Variants in GLRA2 observed in about 807,000 individuals in gnomAD.
The protein encoded by GLRA2 is glycine receptor alpha 2.
GLRA2 carries 11 observed loss-of-function variants against 31.6 expected under a neutral mutation model. The observed-to-expected ratio is 0.35, with a 90% confidence interval of 0.22 to 0.58. GLRA2 has a LOEUF of 0.58. Among genes scored for constraint, GLRA2 ranks in the 20% least tolerant of loss-of-function variants. The pLI is 0.84. For synonymous variants in GLRA2, 132 were observed against 134.0 expected (o/e 0.99, Z 0.10); for missense variants, 212 against 351.8 (o/e 0.60, Z 3.18).
intron 2 of GLRA2, among the ~76,000 whole-genome samples, chrX:14,537,085 G>A (rs1233559693): frequency 9.0e-6 from 1 of 110,953 alleles, no homozygotes; most frequent in Non-Finnish European, 1.9e-5. Flanking sequence ...GAAATTAAAG[G>A]ACAACTAAGG....
At chrX:14,506,189 C>A in the GLRA2 span, among the ~76,000 whole-genome samples, 1 of 111,470 alleles carries the variant, frequency 9.0e-6, no homozygotes, top group Non-Finnish European at 1.9e-5. Flanking sequence ...CTTGTGGTGG[C>A]ATAAAAATGT....
the GLRA2 span, among the ~76,000 whole-genome samples, chrX:14,499,457 CTAGGTATCCATCGA>C: frequency 1.8e-5 from 2 of 110,686 alleles, no homozygotes; most frequent in Non-Finnish European, 3.8e-5. Flanking sequence ...TGGAATCAAC[CTAGGTATCCATCGA>C]TGGTGGATTG....
At chrX:14,489,437 C>T in the GLRA2 span, among the ~76,000 whole-genome samples, 6 of 111,140 alleles carry the variant, frequency 5.4e-5, no homozygotes, top group Admixed American at 1.9e-4. Context: ...GGCTCGCAGA[C>T]GATTTGAAGA....
intron 4 of GLRA2, among the ~76,000 whole-genome samples, chrX:14,594,800 A>AT (rs1387860273): frequency 9.0e-6 from 1 of 111,167 alleles, no homozygotes; most frequent in African/African-American, 3.3e-5. Context: ...GCATATGGGT[A>AT]TTTTTTATGA....
At chrX:14,531,917 C>T in intron 1 of GLRA2, among the ~76,000 whole-genome samples, 1 of 111,406 alleles carries the variant, frequency 9.0e-6, no homozygotes, top group South Asian at 3.7e-4. Context: ...AAAATATCAT[C>T]TCATTTCTCT....
At chrX:14,622,654 A>G (rs998669931) in intron 7 of GLRA2, among the ~76,000 whole-genome samples, 1 of 111,926 alleles carries the variant, frequency 8.9e-6, no homozygotes. Flanking sequence ...GTCAAAGATC[A>G]GATGGTTATA....
At chrX:14,665,687 G>A (rs1165559268) in intron 7 of GLRA2, among the ~76,000 whole-genome samples, 1 of 112,034 alleles carries the variant, frequency 8.9e-6, no homozygotes, top group Non-Finnish European at 1.9e-5. Flanking sequence ...AATGGAGAAA[G>A]GCCTAAGAGA....
At chrX:14,614,484 A>G (rs1044639810) in intron 7 of GLRA2, among the ~76,000 whole-genome samples, 3 of 111,288 alleles carry the variant, frequency 2.7e-5, no homozygotes, top group Non-Finnish European at 5.7e-5. Context: ...CTTCTGGTTG[A>G]TGTATTTTCC....
chrX:14,472,056 A>C, the GLRA2 span, among the ~76,000 whole-genome samples: 1 of 111,717 alleles, frequency 9.0e-6, no homozygotes, highest in African/African-American at 3.3e-5. Context: ...ATCCCTCCTC[A>C]ATCTACCCCA....
At position 14,532,311 on chromosome X, in the gene GLRA2, C is replaced by T; in HGVS notation, c.141C>T (p.Phe47=). 8.4e-7 allele frequency: 1 copy of T among 1,191,282 alleles called. No homozygotes were observed. The highest frequency in any genetic ancestry group is 1.8e-5 in the South Asian group (1 of 55,537). ...CACAGACCCTATCTCCTTCAGATTT[C>T]TTGGACAAGTTAATGGGAAGGACAT... The part of the protein sequence containing the change: ...QPSQTLSPSD[F]LDKLMGRTSG... Residue 47 remains phenylalanine (F), a synonymous_variant, in exon 2 of 9, where the codon TTC becomes TTT. Coordinates refer to ENST00000218075, the MANE Select transcript of GLRA2 (RefSeq NM_002063.4).
intron 4 of GLRA2, among the ~76,000 whole-genome samples, chrX:14,585,057 A>G (rs1465950957): frequency 1.8e-5 from 2 of 111,178 alleles, no homozygotes; most frequent in Non-Finnish European, 3.8e-5. Flanking sequence ...ATGCCCTGAC[A>G]ACTGTTTTGG....
rs758196302 is a variant in GLRA2 at position 14,600,564 on chromosome X, T to C, written c.495-3751T>C. Among the ~76,000 whole-genome samples the C allele has an allele frequency of 3.6e-5, 4 of 111,052 alleles. No homozygotes were observed. The East Asian group carries it at 1.1e-3, about 31-fold the overall frequency. On this transcript the variant is annotated intron_variant, in intron 4 of 8. Coordinates refer to ENST00000218075, the MANE Select transcript of GLRA2 (RefSeq NM_002063.4). Reference sequence around the variant, plus strand: ...TTTTTTGAATTGTAAATGGACAAATTATAGTTGTTTATGTTTATGGGGCAC... The same window carrying C: ...TTTTTTGAATTGTAAATGGACAAATCATAGTTGTTTATGTTTATGGGGCAC...
chrX:14,492,976 G>A, the GLRA2 span, among the ~76,000 whole-genome samples: 34 of 110,783 alleles, frequency 3.1e-4, no homozygotes, highest in African/African-American at 1.0e-3. Flanking sequence ...AGGGCAAAAG[G>A]GCCTAGCTAT....
intron 7 of GLRA2, among the ~76,000 whole-genome samples, chrX:14,670,625 C>T (rs761369438): frequency 5.4e-5 from 6 of 110,931 alleles, no homozygotes; most frequent in Non-Finnish European, 1.1e-4. Context: ...CACCAGATCT[C>T]GCGAGACTTA....
chrX:14,688,922 C>G (rs140731388), intron 7 of GLRA2, among the ~76,000 whole-genome samples: 58 of 111,697 alleles, frequency 5.2e-4, no homozygotes, highest in African/African-American at 1.8e-3. Context: ...TGGAGCTGTT[C>G]CTATTCGGCC....
intron 8 of GLRA2, among the ~76,000 whole-genome samples, chrX:14,724,013 T>C (rs1452988023): frequency 8.9e-6 from 1 of 111,984 alleles, no homozygotes. Context: ...GCCTGGCATC[T>C]CTGCAAGCCT....
rs182753295 is a variant in GLRA2, at chrX:14,663,445, T to C, written c.931-27265T>C. 9.1e-3 allele frequency among the ~76,000 whole-genome samples: 1,005 copies of C among 110,086 alleles called. 11 individuals are homozygous for C. The highest frequency in any genetic ancestry group is 0.031 in the African/African-American group (955 of 30,348). ...AATTTGTTTTGTCAATTCCAGAACC[T>C]AATGTATGAAAGAAAAACTTCTAAA... On this transcript the variant is annotated intron_variant, in intron 7 of 8. Transcript: ENST00000218075.
chrX:14,628,601 A>G (rs2090612771), intron 7 of GLRA2, among the ~76,000 whole-genome samples: 1 of 112,107 alleles, frequency 8.9e-6, no homozygotes, highest in Admixed American at 9.5e-5. Flanking sequence ...AGTTTTCCCA[A>G]GGAAGTGAAG....
chrX:14,706,100 G>C (rs1202705566), intron 8 of GLRA2, among the ~76,000 whole-genome samples: 1 of 42,658 alleles, frequency 2.3e-5, no homozygotes, highest in Admixed American at 1.9e-4. Flanking sequence ...TTTAGGTGTA[G>C]AGCCCAGACA....
Sources: gnomAD v4.1 joint callset for allele counts (sites outside exome capture counted in the v4.1 genomes callset) on GRCh38, gnomAD v4.1.1 for gene constraint, MANE v1.5 for transcripts, NCBI Gene and HGNC (gene_info 2026-07-23, HGNC 2026-07-21) for gene names.